Variants in ELMOD2 observed in about 807,000 individuals in gnomAD.
ELMOD2 encodes ELMO domain containing 2, also known as ELMO domain-containing protein 2.
A neutral mutation model predicts 41.0 loss-of-function variants in ELMOD2; 28 were observed. The ratio of observed to expected loss-of-function variants is 0.68; its 90% CI spans 0.51 to 0.94. ELMOD2 has a LOEUF of 0.94. Among genes scored for constraint, ELMOD2 ranks in the 40% least tolerant of loss-of-function variants. The pLI, the probability that ELMOD2 is intolerant of heterozygous loss-of-function variation, is 0.00. For synonymous variants in ELMOD2, 106 were observed against 107.2 expected (o/e 0.99, Z 0.07); for missense variants, 333 against 343.1 (o/e 0.97, Z 0.23).
chr4:140,529,896 T>C (rs1734691519), intron 3 of ELMOD2, among the ~76,000 whole-genome samples: 1 of 152,224 alleles, frequency 6.6e-6, no homozygotes, highest in Non-Finnish European at 1.5e-5. Flanking sequence ...ATATTTTACT[T>C]ACTTATTTTT....
In ELMOD2 at chr4:140,542,610, G is replaced by T; in HGVS notation, c.570G>T (p.Gln190His). The stretch of plus-strand genomic sequence containing the variant: ...AAAATTACACTAGTGAAGCTCATCA[G>T]ATTCTTTCCCGTTCAAATCATCCAA... ...FSENYTSEAH[Q>H]ILSRSNHPKL... Residue 190 changes from glutamine (Q) to histidine (H), a missense_variant, in exon 7 of 9, where the codon CAG becomes CAT. Gln to His is a conservative substitution (Grantham distance 24). Transcript: ENST00000323570. 1.2e-6 allele frequency: 2 copies of T among 1,606,322 alleles called. No individual in the cohort carries two copies. The highest frequency in any genetic ancestry group is 1.7e-6 in the Non-Finnish European group (2 of 1,175,774).
chr4:140,535,710 T>C, intron 3 of ELMOD2, 23 bp from the exon 4 acceptor site: 5 of 1,594,548 alleles, frequency 3.1e-6, no homozygotes, highest in Non-Finnish European at 4.3e-6. Flanking sequence ...TTTTTCTCAT[T>C]TGGCTTTCTT....
intron 8 of ELMOD2, among the ~76,000 whole-genome samples, chr4:140,547,308 G>A (rs1309356840): frequency 6.6e-6 from 1 of 152,132 alleles, no homozygotes; most frequent in African/African-American, 2.4e-5. Context: ...GTCCTGTGTA[G>A]GAAGGGCTGG....
chr4:140,538,829 G>T (rs1735015361), intron 5 of ELMOD2, among the ~76,000 whole-genome samples: 1 of 152,152 alleles, frequency 6.6e-6, no homozygotes, highest in African/African-American at 2.4e-5. Flanking sequence ...ACACTCCAAA[G>T]TTCCACCTTA....
intron 3 of ELMOD2, among the ~76,000 whole-genome samples, chr4:140,533,951 AGAC>A (rs1454115657): frequency 3.3e-5 from 5 of 152,146 alleles, no homozygotes; most frequent in African/African-American, 1.2e-4. Context: ...TAAATGAAAT[AGAC>A]GAACAACACT....
At chr4:140,544,989 C>G (rs1051545578) in intron 8 of ELMOD2, among the ~76,000 whole-genome samples, 3 of 152,132 alleles carry the variant, frequency 2.0e-5, no homozygotes, top group African/African-American at 7.2e-5. Context: ...TGTCCACCTC[C>G]AGATACTGCT....
At position 140,535,837 on chromosome 4, in the gene ELMOD2, G is replaced by T. The variant is rs762660616; in HGVS notation, c.269+7G>T. ...ACCCTGAGAAGGATGCCAGGTGTGC[G>T]TTTTTTACATTATTCTTTTTTATTA... On this transcript the variant is annotated splice_region_variant and intron_variant, in intron 4 of 8. Transcript: ENST00000323570. 1 of 1,591,670 alleles carries T rather than the reference G, an allele frequency of 6.3e-7. No individual in the cohort carries two copies. Among genetic ancestry groups the T allele is most frequent in the Non-Finnish European group, 8.5e-7 (1 of 1,173,348 alleles).
chr4:140,536,915 G>A (rs1024482214), intron 4 of ELMOD2, among the ~76,000 whole-genome samples: 2 of 152,160 alleles, frequency 1.3e-5, no homozygotes, highest in Non-Finnish European at 2.9e-5. Flanking sequence ...GATACATTGT[G>A]ATGGAGAGAG....
intron 1 of ELMOD2, chr4:140,525,109 A>G (rs1338649374): frequency 1.0e-5 from 2 of 197,012 alleles, no homozygotes; most frequent in African/African-American, 2.4e-5. Context: ...AAGTTAGGAA[A>G]CTAAGATATG....
intron 5 of ELMOD2, among the ~76,000 whole-genome samples, chr4:140,539,618 T>C (rs1313441359): frequency 1.3e-5 from 2 of 152,204 alleles, no homozygotes; most frequent in Non-Finnish European, 2.9e-5. Flanking sequence ...AGGGCTGGGA[T>C]TACAGGCATG....
At position 140,550,517 on chromosome 4, in the gene ELMOD2, A is replaced by G; in HGVS notation, c.*142A>G. On this transcript the variant is annotated 3_prime_UTR_variant, in exon 9 of 9. Transcript: ENST00000323570. ...TTCAGAAATTCTATTTAAGAAAGCT[A>G]GTGGACAATCAGTGTATGTTTACAA... 3 of 847,856 alleles carry G rather than the reference A, an allele frequency of 3.5e-6. No homozygotes were observed. Among genetic ancestry groups the G allele is most frequent in the Non-Finnish European group, 5.1e-6 (3 of 587,288 alleles). 52.5% of individuals were successfully genotyped at this position (847,856 alleles called of 1,614,324 possible). A position where few individuals can be genotyped will look rare whatever the true frequency, so the allele number is the denominator to read the frequency against.
At chr4:140,532,922 C>A (rs924387440) in intron 3 of ELMOD2, among the ~76,000 whole-genome samples, 1 of 152,100 alleles carries the variant, frequency 6.6e-6, no homozygotes, top group African/African-American at 2.4e-5. Flanking sequence ...AATAGTGTTA[C>A]AGGACATGGT....
Position 140,543,556 on chromosome 4 carries a change from C to T in ELMOD2, c.706C>T (p.Pro236Ser), listed in dbSNP as rs755729412. 1 of 1,600,770 alleles carries T rather than the reference C, an allele frequency of 6.2e-7. No homozygotes were observed. Among genetic ancestry groups the T allele is most frequent in the Non-Finnish European group, 8.5e-7 (1 of 1,176,246 alleles). The change falls in exon 8 of 9, where the codon CCA (proline) becomes TCA (serine). Residue 236 changes from proline to serine, a missense_variant. Coordinates refer to ENST00000323570, the MANE Select transcript of ELMOD2 (RefSeq NM_153702.4). ...TCTCTATAACCTTGTTCCTGGTATA[C>T]CAACAATGGAACACTTTCATCAGTT... The part of the protein sequence containing the change: ...FHLYNLVPGI[P>S]TMEHFHQFYC...
At chr4:140,549,681 CTTTTTTTTTTTTTTTT>C (rs10538089) in intron 8 of ELMOD2, among the ~76,000 whole-genome samples, 3 of 42,930 alleles carry the variant, frequency 7.0e-5, no homozygotes, top group African/African-American at 1.1e-4. Context: ...AGTACTACAT[CTTTTTTTTTTTTTTTT>C]TTTTTTTTTT....
At chr4:140,530,061 A>C (rs913577191) in intron 3 of ELMOD2, among the ~76,000 whole-genome samples, 6 of 152,352 alleles carry the variant, frequency 3.9e-5, no homozygotes, top group African/African-American at 1.4e-4. Flanking sequence ...GAGGATAAAG[A>C]ATAATAAGTA....
At chr4:140,524,779 A>G (rs1199596586) in intron 1 of ELMOD2, 2 of 337,998 alleles carry the variant, frequency 5.9e-6, no homozygotes, top group Non-Finnish European at 8.4e-6. Flanking sequence ...GAATTTTCTT[A>G]TGGCATAAGA....
At chr4:140,535,400 T>TA (rs1363511840) in intron 3 of ELMOD2, 1 of 179,996 alleles carries the variant, frequency 5.6e-6, no homozygotes, top group Non-Finnish European at 1.1e-5. Context: ...TTTTTAAACT[T>TA]ATGCATTCAA....
chr4:140,541,662 A>G (rs1735109469), intron 6 of ELMOD2, among the ~76,000 whole-genome samples: 2 of 152,062 alleles, frequency 1.3e-5, no homozygotes, highest in Admixed American at 1.3e-4. Flanking sequence ...CGGGAAATAT[A>G]TATATAGAAA....
Position 140,550,166 on chromosome 4 carries a change from A to G in ELMOD2, c.737-64A>G, listed in dbSNP as rs573401598. The G allele has an allele frequency of 9.4e-5, 129 of 1,374,400 alleles. No individual in the cohort carries two copies. In the African/African-American group the frequency reaches 1.7e-3, roughly 18 times the overall value. The allele number at this position is 1,374,400 out of a possible 1,614,324, so 85.1% of individuals were successfully genotyped here. A position where few individuals can be genotyped will look rare whatever the true frequency, so the allele number is the denominator to read the frequency against. On this transcript the variant is annotated intron_variant, in intron 8 of 8. Transcript: ENST00000323570. ...AAGGATGGTTATATACTTTGTAAAGATGAGACGGTTTGAATGTGATTTCAA... is the reference window on the plus strand; with the variant it reads ...AAGGATGGTTATATACTTTGTAAAGGTGAGACGGTTTGAATGTGATTTCAA...
Sources: gnomAD v4.1 joint callset for allele counts (sites outside exome capture counted in the v4.1 genomes callset) on GRCh38, gnomAD v4.1.1 for gene constraint, MANE v1.5 for transcripts, NCBI Gene and HGNC (gene_info 2026-07-23, HGNC 2026-07-21) for gene names.